The following PCDHGA1 variants were observed in gnomAD, a reference collection of about 807,000 sequenced individuals.
PCDHGA1 encodes the protein protocadherin gamma subfamily A, 1.
A neutral mutation model predicts 58.0 loss-of-function variants in PCDHGA1; 32 were observed. That is an observed-to-expected ratio of 0.55 (90% CI 0.42 to 0.74). The LOEUF is 0.74. Ranked by LOEUF, PCDHGA1 falls within the 30% of genes least tolerant of loss-of-function variation. PCDHGA1 has a pLI of 0.00. For synonymous variants in PCDHGA1, 498 were observed against 501.1 expected (o/e 0.99, Z 0.08); for missense variants, 1,205 against 1,182.3 (o/e 1.02, Z -0.28).
chr5:141,350,459 A>G, intron 1 of PCDHGA1: 1 of 1,613,440 alleles, frequency 6.2e-7, no homozygotes, highest in South Asian at 1.1e-5. Flanking sequence ...ACTGCGGGTT[A>G]GTGCAGAGGA....
chr5:141,330,708 T>A lies in PCDHGA1; in HGVS notation c.24T>A (p.Thr8=). 3 of 1,608,596 alleles carry A rather than the reference T, an allele frequency of 1.9e-6. No individual in the cohort carries two copies. The highest frequency in any genetic ancestry group is 2.6e-6 in the Non-Finnish European group (3 of 1,175,822). ...CCATGAAGATTCAGAAAAAGCTGAC[T>A]GGCTGCAGCAGGCTGATGCTTCTGT... is the stretch of plus-strand genomic sequence containing the variant. MKIQKKL[T]GCSRLMLLCL... Residue 8 remains threonine, a synonymous_variant, in exon 1 of 4, where the codon ACT becomes ACA. Transcript: ENST00000517417.
intron 1 of PCDHGA1, chr5:141,418,998 G>C (rs757681244): frequency 1.9e-6 from 3 of 1,613,940 alleles, no homozygotes; most frequent in South Asian, 1.1e-5. Context: ...GGGGAAAATG[G>C]GGAAGTCAGG....
chr5:141,415,149 C>T, intron 1 of PCDHGA1: 1 of 1,613,796 alleles, frequency 6.2e-7, no homozygotes, highest in Middle Eastern at 1.6e-4. Context: ...AGCCCCCTCT[C>T]TCCGCCACTG....
At chr5:141,430,751 A>G in intron 1 of PCDHGA1, 1 of 1,496,066 alleles carries the variant, frequency 6.7e-7, no homozygotes, top group Non-Finnish European at 8.9e-7. Context: ...ATTCTGGAGG[A>G]AGATAAGAAT....
chr5:141,394,536 G>C (rs2093028301), intron 1 of PCDHGA1: 2 of 1,614,070 alleles, frequency 1.2e-6, no homozygotes. Flanking sequence ...TTCCACTGGC[G>C]TGGAGCTGGC....
intron 2 of PCDHGA1, among the ~76,000 whole-genome samples, chr5:141,505,117 G>A (rs575627148): frequency 1.8e-4 from 27 of 152,226 alleles, no homozygotes; most frequent in African/African-American, 3.6e-4. Context: ...AGCCAAGATC[G>A]CGCCACTGCA....
chr5:141,350,353 C>G (rs879584256), intron 1 of PCDHGA1: 4 of 1,563,430 alleles, frequency 2.6e-6, no homozygotes, highest in South Asian at 1.2e-5. Context: ...CCCAGCAGAT[C>G]CGATACACGA....
intron 1 of PCDHGA1, chr5:141,344,814 C>T: frequency 6.2e-7 from 1 of 1,613,958 alleles, no homozygotes; most frequent in East Asian, 2.2e-5. Context: ...GGGTACCCGG[C>T]TGCTCACGGT....
At chr5:141,502,398 C>T (rs1303456458) in intron 2 of PCDHGA1, among the ~76,000 whole-genome samples, 1 of 151,688 alleles carries the variant, frequency 6.6e-6, no homozygotes, top group Non-Finnish European at 1.5e-5. Flanking sequence ...TTAAAATGTC[C>T]CCGAACCTGG....
rs1408938686 is a variant in PCDHGA1 at position 141,398,777 on chromosome 5, G to A, written c.2421+65672G>A. On this transcript the variant is annotated intron_variant, in intron 1 of 3. Transcript: ENST00000517417. ...CGTTTAGTCCTGACTGCCTTGGACG[G>A]TGGACATCCACCCCTAAGCGGCACC... is the stretch of plus-strand genomic sequence containing the variant. The A allele has an allele frequency of 3.1e-6, 5 of 1,613,902 alleles. 1 individual carries two copies. The South Asian group carries it at 3.3e-5, about 11-fold the overall frequency.
intron 1 of PCDHGA1, chr5:141,365,399 T>C: frequency 1.2e-6 from 2 of 1,614,008 alleles, no homozygotes; most frequent in Non-Finnish European, 1.7e-6. Context: ...CAGTTCGATC[T>C]CTGAAGACTG....
chr5:141,480,429 T>A (rs72790066), intron 1 of PCDHGA1, among the ~76,000 whole-genome samples: 9,317 of 151,926 alleles, frequency 0.061, 335 homozygotes, highest in South Asian at 0.12. Context: ...AAAAAAATTA[T>A]CAGCTATTAC....
At chr5:141,426,022 T>A (rs1174153557) in intron 1 of PCDHGA1, among the ~76,000 whole-genome samples, 3 of 152,204 alleles carry the variant, frequency 2.0e-5, no homozygotes, top group Admixed American at 2.0e-4. Flanking sequence ...GTTTTCTAAA[T>A]AGACTCAGAG....
intron 1 of PCDHGA1, among the ~76,000 whole-genome samples, chr5:141,447,244 A>T (rs1475037979): frequency 6.6e-6 from 1 of 152,062 alleles, no homozygotes; most frequent in Non-Finnish European, 1.5e-5. Flanking sequence ...GGTTCAAGTG[A>T]TTCTTCTGTC....
chr5:141,357,567 G>A (rs751974557), intron 1 of PCDHGA1: 5 of 1,614,096 alleles, frequency 3.1e-6, no homozygotes, highest in African/African-American at 2.7e-5. Flanking sequence ...AGAAAAGCGA[G>A]CCTCTTCTGA....
At chr5:141,416,362 G>A (rs562901653) in intron 1 of PCDHGA1, 4 of 152,306 alleles carry the variant, frequency 2.6e-5, no homozygotes, top group African/African-American at 7.2e-5. Flanking sequence ...GGAGGCTATA[G>A]AGGGTGAAAT....
At position 141,334,928 on chromosome 5, in the gene PCDHGA1, A is replaced by G. The variant is rs1280378184; in HGVS notation, c.2421+1823A>G. 1.3e-5 allele frequency among the ~76,000 whole-genome samples: 2 copies of G among 152,190 alleles called. No homozygotes were observed. The highest frequency in any genetic ancestry group is 1.3e-4 in the Admixed American group (2 of 15,284). Reference sequence around the variant, plus strand: ...AAAAACAAACTAAAACTAAAAACAAACAGAGCTCTTCCACTAAAAATAAAT... The same window carrying G: ...AAAAACAAACTAAAACTAAAAACAAGCAGAGCTCTTCCACTAAAAATAAAT... On this transcript the variant is annotated intron_variant, in intron 1 of 3. Coordinates refer to ENST00000517417, the MANE Select transcript of PCDHGA1 (RefSeq NM_018912.3). This position sits in a 1 kb window ranked among gnomAD's most constrained non-coding sequence, Gnocchi z 4.6.
rs1015619417 is a variant in PCDHGA1 at position 141,455,526 on chromosome 5, C to T, written c.2422-39281C>T. Among the ~76,000 whole-genome samples the T allele has an allele frequency of 2.0e-5, 3 of 152,106 alleles. 1 individual carries two copies. Among genetic ancestry groups the T allele is most frequent in the South Asian group, 4.1e-4 (2 of 4,826 alleles). ...CATAGGGCTCAGGGGATTGGTTTGA[C>T]CAGGCATATCATTCACGTAGCCCGA... On this transcript the variant is annotated intron_variant, in intron 1 of 3. Coordinates refer to ENST00000517417, the MANE Select transcript of PCDHGA1 (RefSeq NM_018912.3).
Position 141,362,113 on chromosome 5 carries a change from C to T in PCDHGA1, c.2421+29008C>T, listed in dbSNP as rs769104675. ...GCCGCCACTCTCCGCTACGGCCACG[C>T]TGCACCTAATCTTCGCGGATAGCCT... On this transcript the variant is annotated intron_variant, in intron 1 of 3. Coordinates refer to ENST00000517417, the MANE Select transcript of PCDHGA1 (RefSeq NM_018912.3). 2.5e-6 allele frequency: 4 copies of T among 1,614,018 alleles called. No individual in the cohort carries two copies. In the Admixed American group the frequency reaches 6.7e-5, roughly 27 times the overall value.
Sources: allele counts gnomAD v4.1 joint callset (sites outside exome capture counted in the v4.1 genomes callset), GRCh38; gene constraint gnomAD v4.1.1; non-coding constraint Gnocchi (gnomAD v3.1); transcripts MANE v1.5; gene names NCBI Gene and HGNC (gene_info 2026-07-23, HGNC 2026-07-21).